Variants in ATP6V1A observed in about 807,000 individuals in gnomAD.
ATP6V1A encodes the protein V-type proton ATPase catalytic subunit A.
A neutral mutation model predicts 70.1 loss-of-function variants in ATP6V1A; 18 were observed. That is an observed-to-expected ratio of 0.26 (90% CI 0.18 to 0.38). The LOEUF is 0.38. ATP6V1A is among the 10% of genes least tolerant of loss of function. ATP6V1A has a pLI of 1.00. For missense variants in ATP6V1A, 424 were observed against 772.4 expected, an observed-to-expected ratio of 0.55 and a Z score of 5.35; for synonymous variants, 232 against 253.8, an observed-to-expected ratio of 0.91 and a Z score of 0.82.
chr3:113,747,864 G>A (rs1257180445), intron 1 of ATP6V1A, among the ~76,000 whole-genome samples: 1 of 152,176 alleles, frequency 6.6e-6, no homozygotes, highest in Non-Finnish European at 1.5e-5. Context: ...GGAGGCCCAG[G>A]CTGGTTTAGG....
intron 5 of ATP6V1A, 78 bp downstream of exon 5, chr3:113,784,911 A>G: frequency 7.2e-7 from 1 of 1,396,598 alleles, no homozygotes; most frequent in Non-Finnish European, 9.7e-7. Flanking sequence ...TGCCCTAAGT[A>G]ATTAAAGAAT....
At position 113,751,262 on chromosome 3, in the gene ATP6V1A, GA is replaced by G. The variant is rs540696980; in HGVS notation, c.-14+4150del. On this transcript the variant is annotated intron_variant, in intron 1 of 14. Coordinates refer to ENST00000273398, the MANE Select transcript of ATP6V1A (RefSeq NM_001690.4). ...ACAAAGAAATGTAGAGAACATAATG[GA>G]GACATAAACTAGAGTAAAATTCTTC... Among the ~76,000 whole-genome samples, 6 of 151,884 alleles carry G rather than the reference GA, an allele frequency of 4.0e-5. No homozygotes were observed. In the South Asian group the frequency reaches 1.0e-3, roughly 26 times the overall value.
intron 6 of ATP6V1A, among the ~76,000 whole-genome samples, chr3:113,788,303 G>A (rs553074373): frequency 6.6e-6 from 1 of 151,616 alleles, no homozygotes; most frequent in East Asian, 1.9e-4. Context: ...TTGTGTTTTT[G>A]TGTTCCTTAC....
chr3:113,757,970 C>G (rs930366271), intron 1 of ATP6V1A, among the ~76,000 whole-genome samples: 8 of 152,040 alleles, frequency 5.3e-5, no homozygotes, highest in Non-Finnish European at 8.8e-5. Context: ...ATGGTGAAAC[C>G]CCATCTCTAC....
In ATP6V1A at chr3:113,795,923, C is replaced by T. The variant is rs994472805; in HGVS notation, c.1274C>T (p.Thr425Ile). Residue 425 changes from threonine to isoleucine, a missense_variant, in exon 11 of 15, where the codon ACT (threonine) becomes ATT (isoleucine). Thr to Ile is a moderately conservative substitution (Grantham distance 89). Coordinates refer to ENST00000273398, the MANE Select transcript of ATP6V1A (RefSeq NM_001690.4). Reference protein sequence around the residue: ...GDFSDPVTSATLGIVQVFWGL... With the variant: ...GDFSDPVTSAILGIVQVFWGL... ...TTTTCTGATCCAGTTACATCTGCCACTCTTGGTATCGTTCAGGTATGTCTT... is the reference window on the plus strand; with the variant it reads ...TTTTCTGATCCAGTTACATCTGCCATTCTTGGTATCGTTCAGGTATGTCTT... The T allele has an allele frequency of 2.5e-6, 4 of 1,610,128 alleles. No individual in the cohort carries two copies. The African/African-American group carries it at 4.0e-5, about 16-fold the overall frequency.
chr3:113,755,889 C>T (rs192053793), intron 1 of ATP6V1A, among the ~76,000 whole-genome samples: 77 of 152,252 alleles, frequency 5.1e-4, no homozygotes, highest in Non-Finnish European at 9.6e-4. Context: ...TTGAGTATTA[C>T]GTTGGAGATC....
rs1268482865 is a variant in ATP6V1A, at chr3:113,769,543, A to G, written c.-13-9198A>G. ...GAATCTTAGTGTTTAACTTTTATAT[A>G]TCACCTCCCCTTTGCCCCCAACAGC... On this transcript the variant is annotated intron_variant, in intron 1 of 14. Coordinates refer to ENST00000273398, the MANE Select transcript of ATP6V1A (RefSeq NM_001690.4). Among the ~76,000 whole-genome samples the G allele has an allele frequency of 2.6e-5, 4 of 152,330 alleles. No individual in the cohort carries two copies. In the South Asian group the frequency reaches 6.2e-4, roughly 24 times the overall value.
chr3:113,756,392 G>C (rs1708647430), intron 1 of ATP6V1A, among the ~76,000 whole-genome samples: 1 of 152,194 alleles, frequency 6.6e-6, no homozygotes, highest in Admixed American at 6.5e-5. Flanking sequence ...TCAAAGGTAA[G>C]TACAATTTGA....
At chr3:113,805,302 A>G (rs1559761703) in intron 13 of ATP6V1A, 52 bp from the exon 14 acceptor site, 2 of 1,539,434 alleles carry the variant, frequency 1.3e-6, no homozygotes, top group South Asian at 2.3e-5. Flanking sequence ...TAAAGTATGA[A>G]CCTGTTTTGG....
intron 1 of ATP6V1A, among the ~76,000 whole-genome samples, chr3:113,776,879 C>T (rs1193438483): frequency 7.2e-5 from 11 of 152,178 alleles, no homozygotes; most frequent in Non-Finnish European, 1.5e-5. Context: ...GTTATTGGCA[C>T]CCCCGCTACC....
intron 1 of ATP6V1A, among the ~76,000 whole-genome samples, chr3:113,753,693 C>CTTTTTTTTTT (rs11375661): frequency 7.1e-6 from 1 of 141,098 alleles, no homozygotes; most frequent in Non-Finnish European, 1.5e-5. Context: ...TATCATGTGT[C>CTTTTTTTTTT]TTTTTTTTTT....
intron 8 of ATP6V1A, among the ~76,000 whole-genome samples, chr3:113,794,429 A>G (rs1033764477): frequency 2.6e-5 from 4 of 152,212 alleles, no homozygotes; most frequent in Admixed American, 1.3e-4. Flanking sequence ...AATAATTCCA[A>G]ATATATATTT....
chr3:113,756,501 T>C (rs1223333002), intron 1 of ATP6V1A, among the ~76,000 whole-genome samples: 1 of 152,154 alleles, frequency 6.6e-6, no homozygotes, highest in Non-Finnish European at 1.5e-5. Context: ...TTAGCTTGGG[T>C]CTTTGGAAGG....
intron 1 of ATP6V1A, among the ~76,000 whole-genome samples, chr3:113,766,504 A>G (rs1036296965): frequency 3.3e-5 from 5 of 152,136 alleles, no homozygotes; most frequent in Non-Finnish European, 7.3e-5. Context: ...TATGTTACCT[A>G]TTCTGTTCTT....
rs775568124 is a variant in ATP6V1A, at chr3:113,783,873, C to T, written c.212-351C>T. Among the ~76,000 whole-genome samples, 26 of 151,972 alleles carry T rather than the reference C, an allele frequency of 1.7e-4. 1 individual carries two copies. Among genetic ancestry groups the T allele is most frequent in the Non-Finnish European group, 2.6e-4 (18 of 67,990 alleles). ...GCAAGATTGGAAAATTATATAGTTC[C>T]CCAAGGGCATATACATTCATGAGAA... On this transcript the variant is annotated intron_variant, in intron 3 of 14. Transcript: ENST00000273398.
intron 2 of ATP6V1A, chr3:113,780,640 C>A (rs1429852191): frequency 2.8e-6 from 2 of 721,164 alleles, no homozygotes; most frequent in Non-Finnish European, 2.0e-6. Context: ...AACAGCACAG[C>A]GAAGTGATAA....
At position 113,807,313 on chromosome 3, in the gene ATP6V1A, T is replaced by C. The variant is rs146702056; in HGVS notation, c.1761+1788T>C. On this transcript the variant is annotated intron_variant, in intron 14 of 14. Coordinates refer to ENST00000273398, the MANE Select transcript of ATP6V1A (RefSeq NM_001690.4). ...TTCCTGCCTCAGCCTCCCAAGTAGCTGGGATTACAGGTGCATTCACCACAC... is the reference window on the plus strand; with the variant it reads ...TTCCTGCCTCAGCCTCCCAAGTAGCCGGGATTACAGGTGCATTCACCACAC... Among the ~76,000 whole-genome samples the C allele has an allele frequency of 2.5e-3, 378 of 152,006 alleles. 3 individuals carry two copies. The highest frequency in any genetic ancestry group is 0.017 in the East Asian group (89 of 5,174).
rs1472912072 is a variant in ATP6V1A at position 113,784,407 on chromosome 3, A to G, written c.395A>G (p.Lys132Arg). 15 of 1,613,988 alleles carry G rather than the reference A, an allele frequency of 9.3e-6. No homozygotes were observed. Among genetic ancestry groups the G allele is most frequent in the East Asian group, 2.2e-5 (1 of 44,894 alleles). ...VNVSALSRDI[K>R]WDFTPCKNLR... ...GTGTCTGCTCTTAGCAGAGATATCA[A>G]ATGGGACTTTACACCTTGCAAAAAC... The change falls in exon 4 of 15, where the codon AAA becomes AGA. Residue 132 changes from lysine (K) to arginine (R), a missense_variant. Lys to Arg is a conservative substitution (Grantham distance 26). This residue lies in a region of ATP6V1A where 139 missense variants were observed against 163.5 expected (regional missense o/e 0.85). Transcript: ENST00000273398.
At chr3:113,762,348 C>A (rs1479695492) in intron 1 of ATP6V1A, among the ~76,000 whole-genome samples, 1 of 152,124 alleles carries the variant, frequency 6.6e-6, no homozygotes, top group Non-Finnish European at 1.5e-5. Context: ...GCGGGCGGAT[C>A]ACCTGAGGTC....
Sources: allele counts gnomAD v4.1 joint callset (sites outside exome capture counted in the v4.1 genomes callset), GRCh38; gene constraint gnomAD v4.1.1; regional missense constraint gnomAD v4.1.1; transcripts MANE v1.5; gene names NCBI Gene and HGNC (gene_info 2026-07-23, HGNC 2026-07-21).